The following RNH1 variants were observed in gnomAD, a reference collection of about 807,000 sequenced individuals.
RNH1 encodes the protein ribonuclease inhibitor.
Under a neutral mutation model 46.1 loss-of-function variants are expected in RNH1, and 38 were observed. The ratio of observed to expected loss-of-function variants is 0.82; its 90% CI spans 0.64 to 1.08. RNH1 has a LOEUF of 1.08. Among genes scored for constraint, RNH1 ranks in the 50% least tolerant of loss-of-function variants. The pLI, the probability that RNH1 is intolerant of heterozygous loss-of-function variation, is 0.00. For synonymous variants in RNH1, 319 were observed against 279.1 expected (o/e 1.14, Z -1.43); for missense variants, 577 against 590.7 (o/e 0.98, Z 0.24).
chr11:499,738 C>G, intron 5 of RNH1, 91 bp downstream of exon 5: 1 of 1,513,800 alleles, frequency 6.6e-7, no homozygotes, highest in South Asian at 1.2e-5. Flanking sequence ...GTCCCCTCCT[C>G]ACGGCTCCTG....
At position 499,070 on chromosome 11, in the gene RNH1, C is replaced by T. The variant is rs748495523; in HGVS notation, c.559G>A (p.Val187Ile). ...VSNNDINEAG[V>I]RVLCQGLKDS... Reference sequence around the variant, plus strand: ...TTCAGGCCCTGGCACAGCACACGGACGCCAGCCTCATTGATGTCGTTGTTG... The same window carrying T: ...TTCAGGCCCTGGCACAGCACACGGATGCCAGCCTCATTGATGTCGTTGTTG... The change falls in exon 6 of 11, where the codon GTC becomes ATC. Residue 187 changes from valine (V) to isoleucine (I), a missense_variant. By Grantham distance (29) the Val-to-Ile change is conservative (BLOSUM62 3). Transcript: ENST00000354420. The T allele has an allele frequency of 3.0e-5, 48 of 1,613,340 alleles. No homozygotes were observed. Among genetic ancestry groups the T allele is most frequent in the African/African-American group, 2.1e-4 (16 of 74,936 alleles).
rs765781697 is a variant in RNH1 at position 502,156 on chromosome 11, G to A, written c.7C>T (p.Leu3=). The change falls in exon 3 of 11, where the codon CTG becomes TTG. Residue 3 remains leucine (L), a synonymous_variant. Transcript: ENST00000354420. The surrounding 1 kb of genome is among the most constrained non-coding windows in gnomAD (Gnocchi z 5.8). The part of the protein sequence containing the change: MS[L]DIQSLDIQCE... ...TGGATGTCCAGGCTCTGGATGTCCAGGCTCATGGTGGAGGTGAAGAGTGGC... is the reference window on the plus strand; with the variant it reads ...TGGATGTCCAGGCTCTGGATGTCCAAGCTCATGGTGGAGGTGAAGAGTGGC... 2 of 1,603,608 alleles carry A rather than the reference G, an allele frequency of 1.2e-6. No individual in the cohort carries two copies. Among genetic ancestry groups the A allele is most frequent in the Admixed American group, 1.7e-5 (1 of 58,508 alleles).
chr11:499,248 G>A (rs900738914), intron 5 of RNH1, 63 bp from the exon 6 acceptor site: 2 of 1,568,286 alleles, frequency 1.3e-6, no homozygotes, highest in Non-Finnish European at 1.7e-6. Flanking sequence ...GTGATACCAG[G>A]GAGCACGGGG....
In RNH1 at chr11:501,848, T is replaced by A; in HGVS notation, c.101+214A>T. On this transcript the variant is annotated intron_variant, in intron 3 of 10. Coordinates refer to ENST00000354420, the MANE Select transcript of RNH1 (RefSeq NM_203387.3). The surrounding 1 kb of genome is among the most constrained non-coding windows in gnomAD (Gnocchi z 4.1). ...GGCCGCCCACCTCGGCCCGCCCACC[T>A]CAGCCCATGCTGCATGAGCCTGGAA... 1.7e-6 allele frequency: 1 copy of A among 574,900 alleles called. No homozygotes were observed. The highest frequency in any genetic ancestry group is 2.1e-5 in the South Asian group (1 of 47,758). 35.6% of individuals were successfully genotyped at this position (574,900 alleles called of 1,614,324 possible).
chr11:498,106 G>C lies in RNH1; in HGVS notation c.992C>G (p.Ser331Cys). 1 of 1,613,994 alleles carries C rather than the reference G, an allele frequency of 6.2e-7. No homozygotes were observed. Among genetic ancestry groups the C allele is most frequent in the Non-Finnish European group, 8.5e-7 (1 of 1,180,018 alleles). The change falls in exon 9 of 11, where the codon TCC (serine) becomes TGC (cysteine). Residue 331 changes from serine to cysteine, a missense_variant. Transcript: ENST00000354420. ...KSCSFTAACC[S>C]HFSSVLAQNR... ...CTGGGCCAGCACTGAGCTGAAGTGG[G>C]AGCAGCAGGCGGCTGTGAAGCTGCA...
At position 498,228 on chromosome 11, in the gene RNH1, G is replaced by C. The variant is rs1023217656; in HGVS notation, c.957-87C>G. On this transcript the variant is annotated intron_variant, in intron 8 of 10. Transcript: ENST00000354420. ...GCCCTTCCCCTGAAGGCCCCACGTG[G>C]ACCTGAGCAAAAACATCTGACAGCC... 7.6e-6 allele frequency: 11 copies of C among 1,446,126 alleles called. No individual in the cohort carries two copies. The African/African-American group carries it at 1.6e-4, about 21-fold the overall frequency. 89.6% of individuals were successfully genotyped at this position (1,446,126 alleles called of 1,614,324 possible). A position where few individuals can be genotyped will look rare whatever the true frequency, so the allele number is the denominator to read the frequency against.
intron 5 of RNH1, chr11:499,489 C>T (rs1435417976): frequency 2.9e-6 from 2 of 694,990 alleles, no homozygotes; most frequent in Non-Finnish European, 5.3e-6. Context: ...GTGGTCAACT[C>T]ACAATGGCCG....
intron 5 of RNH1, 72 bp from the exon 6 acceptor site, chr11:499,257 G>T (rs932265024): frequency 6.6e-7 from 1 of 1,517,346 alleles, no homozygotes; most frequent in Non-Finnish European, 9.0e-7. Context: ...GGGAGCACGG[G>T]GTGTGCTGGT....
At chr11:496,096 G>A (rs186298194) in intron 9 of RNH1, among the ~76,000 whole-genome samples, 36 of 151,798 alleles carry the variant, frequency 2.4e-4, no homozygotes, top group Admixed American at 2.0e-3. Flanking sequence ...TAAGAAAGGA[G>A]AGAGAAAAAA....
At chr11:496,704 G>A (rs1849096644) in intron 9 of RNH1, among the ~76,000 whole-genome samples, 1 of 152,226 alleles carries the variant, frequency 6.6e-6, no homozygotes. Context: ...GGGCATAATG[G>A]TGCATGCTAT....
intron 9 of RNH1, among the ~76,000 whole-genome samples, chr11:496,202 GAACA>G (rs1324625707): frequency 2.6e-5 from 4 of 152,114 alleles, no homozygotes; most frequent in Non-Finnish European, 4.4e-5. Context: ...CTAACACAGT[GAACA>G]AAGAGAGCTT....
chr11:497,801 ATGCTCACACTCATATGCTCACACACG>A (rs1047472063), intron 9 of RNH1, among the ~76,000 whole-genome samples, 144 bp downstream of exon 9: 15 of 149,280 alleles, frequency 1.0e-4, no homozygotes, highest in African/African-American at 3.2e-4. Flanking sequence ...ACGGACACCC[ATGCTCACACTCATATGCTCACACACG>A]TGCTCACACT....
Position 501,624 on chromosome 11 carries a change from C to G in RNH1, c.101+438G>C, listed in dbSNP as rs141484338. 110 of 174,140 alleles carry G rather than the reference C, an allele frequency of 6.3e-4. 1 individual carries two copies. The highest frequency in any genetic ancestry group is 2.6e-3 in the African/African-American group (108 of 42,306). The allele number at this position is 174,140 out of a possible 1,614,324, so 10.8% of individuals were successfully genotyped here. A position where few individuals can be genotyped will look rare whatever the true frequency, so the allele number is the denominator to read the frequency against. On this transcript the variant is annotated intron_variant, in intron 3 of 10. Transcript: ENST00000354420. The surrounding 1 kb of genome is among the most constrained non-coding windows in gnomAD (Gnocchi z 4.1). ...GTAAAAAGAGAAAAGATGCGGCCCA[C>G]CCAGGCACTCGTGTCCTGCTTGTGA...
intron 1 of RNH1, chr11:506,787 ACG>A (rs1417088331): frequency 6.6e-6 from 1 of 152,322 alleles, no homozygotes; most frequent in Non-Finnish European, 1.5e-5. Flanking sequence ...AGAGGGCTTG[ACG>A]GCCACGTGAG....
In RNH1 at chr11:498,824, C is replaced by T; in HGVS notation, c.724G>A (p.Val242Met). The change falls in exon 7 of 11, where the codon GTG becomes ATG. Residue 242 changes from valine (V) to methionine (M), a missense_variant. By Grantham distance (21) the Val-to-Met change is conservative. Coordinates refer to ENST00000354420, the MANE Select transcript of RNH1 (RefSeq NM_203387.3). Reference sequence around the variant, plus strand: ...CCTGGGCACAGCTCCGCCATGCCCACATCACCCAGCTTGTTGCTGCCCAGG... The same window carrying T: ...CCTGGGCACAGCTCCGCCATGCCCATATCACCCAGCTTGTTGCTGCCCAGG... Reference protein sequence around the residue: ...LALGSNKLGDVGMAELCPGLL... With the variant: ...LALGSNKLGDMGMAELCPGLL... 3 of 1,610,118 alleles carry T rather than the reference C, an allele frequency of 1.9e-6. No individual in the cohort carries two copies. The highest frequency in any genetic ancestry group is 2.5e-6 in the Non-Finnish European group (3 of 1,179,664).
chr11:505,098 T>G (rs1000784615), intron 1 of RNH1, 102 bp from the exon 2 acceptor site: 1 of 152,140 alleles, frequency 6.6e-6, no homozygotes, highest in Non-Finnish European at 1.5e-5. Flanking sequence ...TAATGCCTCA[T>G]GTCTCTCTAA....
chr11:494,964 C>T lies in RNH1; in HGVS notation c.1217G>A (p.Ser406Asn), dbSNP rs777213450. The change falls in exon 10 of 11, where the codon AGC (serine) becomes AAC (asparagine). Residue 406 changes from serine to asparagine, a missense_variant. Ser to Asn is a conservative substitution (Grantham distance 46, BLOSUM62 1). Coordinates refer to ENST00000354420, the MANE Select transcript of RNH1 (RefSeq NM_203387.3). ...GCCGGCGTCCCCCAGGCAGTTGTTG[C>T]TGAGGTCCAGCTCACGCAGGCTGTG... The part of the protein sequence containing the change: ...ANHSLRELDL[S>N]NNCLGDAGIL... The T allele has an allele frequency of 1.9e-6, 3 of 1,607,056 alleles. No homozygotes were observed. The Admixed American group carries it at 5.1e-5, about 27-fold the overall frequency.
chr11:495,541 C>T (rs1848979841), intron 9 of RNH1, among the ~76,000 whole-genome samples: 1 of 152,170 alleles, frequency 6.6e-6, no homozygotes, highest in South Asian at 2.1e-4. Flanking sequence ...GACCCAACAC[C>T]CACTTCCCGG....
chr11:502,209 G>T lies in RNH1; in HGVS notation c.-47C>A. On this transcript the variant is annotated 5_prime_UTR_variant, in exon 3 of 11. Coordinates refer to ENST00000354420, the MANE Select transcript of RNH1 (RefSeq NM_203387.3). This position sits in a 1 kb window ranked among gnomAD's most constrained non-coding sequence, Gnocchi z 5.8. ...GGGTGGGAGGCAGAGGGAAGAGGAC[G>T]TCTTGGCCGAATCCCCTCACAGTTT... is the stretch of plus-strand genomic sequence containing the variant. 1 of 1,464,502 alleles carries T rather than the reference G, an allele frequency of 6.8e-7. No homozygotes were observed. The highest frequency in any genetic ancestry group is 9.4e-7 in the Non-Finnish European group (1 of 1,060,882). The allele number at this position is 1,464,502 out of a possible 1,614,324, so 90.7% of individuals were successfully genotyped here. A position where few individuals can be genotyped will look rare whatever the true frequency, so the allele number is the denominator to read the frequency against.
Sources: allele counts gnomAD v4.1 joint callset (sites outside exome capture counted in the v4.1 genomes callset), GRCh38; gene constraint gnomAD v4.1.1; non-coding constraint Gnocchi (gnomAD v3.1); transcripts MANE v1.5; gene names NCBI Gene and HGNC (gene_info 2026-07-23, HGNC 2026-07-21).